The following RCC1L variants were observed in gnomAD, a reference collection of about 807,000 sequenced individuals.
RCC1L encodes RCC1-like G exchanging factor-like protein.
In RCC1L, 46 loss-of-function variants were observed where a neutral mutation model predicts 58.6. The ratio of observed to expected loss-of-function variants is 0.79; its 90% CI spans 0.62 to 1.00. The LOEUF is 1.00. Among genes scored for constraint, RCC1L ranks in the 50% least tolerant of loss-of-function variants. The pLI, the probability that RCC1L is intolerant of heterozygous loss-of-function variation, is 0.00. For missense variants in RCC1L, 636 were observed against 623.6 expected (o/e 1.02, Z -0.21); for synonymous variants, 281 against 262.9 (o/e 1.07, Z -0.67).
At chr7:75,051,456 G>C (rs1805914209) in intron 10 of RCC1L, among the ~76,000 whole-genome samples, 1 of 151,100 alleles carries the variant, frequency 6.6e-6, no homozygotes, top group African/African-American at 2.4e-5. Flanking sequence ...CTGTTGCCCA[G>C]GCTGGAGTGC....
In RCC1L at chr7:75,045,352, G is replaced by T. The variant is rs1392711527; in HGVS notation, c.1318-2243C>A. On this transcript the variant is annotated intron_variant, in intron 10 of 10. Coordinates refer to ENST00000610322, the MANE Select transcript of RCC1L (RefSeq NM_030798.5). ...GCACCACTATGCTCAGCTTATTTTT[G>T]TATTTTTTGTAGAGACAGGGTCTTG... Among the ~76,000 whole-genome samples the T allele has an allele frequency of 4.6e-5, 7 of 151,518 alleles. No homozygotes were observed. The East Asian group carries it at 1.4e-3, about 30-fold the overall frequency.
At position 75,058,700 on chromosome 7, in the gene RCC1L, A is replaced by G. The variant is rs986866714; in HGVS notation, c.857T>C (p.Ile286Thr). Reference sequence around the variant, plus strand: ...GCAATCACCGTAGGTGGCAACTTGGATAACGTTCACTCCCGCCAGGTCTCC... The same window carrying G: ...GCAATCACCGTAGGTGGCAACTTGGGTAACGTTCACTCCCGCCAGGTCTCC... ...LGGDLAGVNV[I>T]QVATYGDCCL... is the part of the protein sequence containing the mutation. Residue 286 changes from isoleucine (I) to threonine (T), a missense_variant, in exon 7 of 11, where the codon ATC becomes ACC. Ile to Thr is a moderately conservative substitution (Grantham distance 89). Coordinates refer to ENST00000610322, the MANE Select transcript of RCC1L (RefSeq NM_030798.5). 6 of 1,613,986 alleles carry G rather than the reference A, an allele frequency of 3.7e-6. No individual in the cohort carries two copies. Among genetic ancestry groups the G allele is most frequent in the Non-Finnish European group, 2.5e-6 (3 of 1,179,852 alleles).
At chr7:75,063,269 A>G in intron 5 of RCC1L, 23 bp downstream of exon 5, 1 of 1,613,814 alleles carries the variant, frequency 6.2e-7, no homozygotes, top group Non-Finnish European at 8.5e-7. Context: ...CACAACAAGC[A>G]GCTCTCGGCC....
chr7:75,048,266 CAAA>C (rs1166086711), intron 10 of RCC1L, among the ~76,000 whole-genome samples: 1,154 of 95,746 alleles, frequency 0.012, 16 homozygotes, highest in African/African-American at 0.037. Context: ...GACATCGCCT[CAAA>C]AAAAAAAAAA....
Position 75,073,482 on chromosome 7 carries a change from GC to G in RCC1L, c.255del (p.Arg87AlafsTer103). On this transcript the variant is annotated frameshift_variant, in exon 1 of 11. Transcript: ENST00000610322. LOFTEE classifies it high-confidence loss of function. ...CGGCGCGGTCGGGCGCCGGCGCGGG[GC>G]CCGGGCCCGGAGCTGGGCACCACAA... The part of the protein sequence containing the change: ...PSFVVPSSGP[G>X]PRAGARPRRR... 1 of 1,384,884 alleles carries G rather than the reference GC, an allele frequency of 7.2e-7. No homozygotes were observed. 85.8% of individuals were successfully genotyped at this position (1,384,884 alleles called of 1,614,324 possible).
downstream of RCC1L, among the ~76,000 whole-genome samples, chr7:75,037,503 C>CTT (rs1191475757): frequency 6.0e-5 from 7 of 116,732 alleles, no homozygotes; most frequent in East Asian, 2.8e-4. Context: ...TGGTTTATAT[C>CTT]TTTTTTTTTT....
intron 3 of RCC1L, 116 bp from the exon 4 acceptor site, chr7:75,064,764 A>C: frequency 4.3e-6 from 5 of 1,159,114 alleles, no homozygotes; most frequent in Non-Finnish European, 6.5e-6. Context: ...CCACCCCCCA[A>C]CTGCCCCTGG....
intron 10 of RCC1L, among the ~76,000 whole-genome samples, chr7:75,036,283 A>G (rs1459561550): frequency 6.6e-6 from 1 of 151,470 alleles, no homozygotes; most frequent in African/African-American, 2.4e-5. Flanking sequence ...TGCCCGGCTA[A>G]TTTTGTATTT....
intron 10 of RCC1L, among the ~76,000 whole-genome samples, chr7:75,050,439 C>A (rs1385512946): frequency 6.6e-6 from 1 of 152,220 alleles, no homozygotes; most frequent in African/African-American, 2.4e-5. Context: ...TTGCACATGC[C>A]CTTATGGCAG....
At chr7:75,043,310 G>C (rs1320033189) in intron 10 of RCC1L, among the ~76,000 whole-genome samples, 7 of 152,224 alleles carry the variant, frequency 4.6e-5, no homozygotes, top group African/African-American at 1.2e-4. Context: ...GGGCACTTAG[G>C]CCTCCCCAGC....
intron 10 of RCC1L, among the ~76,000 whole-genome samples, chr7:75,031,370 C>A (rs954513994): frequency 1.3e-5 from 2 of 152,072 alleles, no homozygotes; most frequent in African/African-American, 4.8e-5. Context: ...CTTATCCCTA[C>A]CCCCCCGGGG....
downstream of RCC1L, among the ~76,000 whole-genome samples, chr7:75,040,237 A>G (rs1202802065): frequency 6.6e-6 from 1 of 152,326 alleles, no homozygotes; most frequent in East Asian, 1.9e-4. Context: ...AGGTGGGCGG[A>G]TCTCTGGAGG....
chr7:75,064,503 G>C (rs1169018150), intron 4 of RCC1L, 79 bp downstream of exon 4: 11 of 1,549,242 alleles, frequency 7.1e-6, no homozygotes, highest in East Asian at 2.2e-5. Flanking sequence ...CCGCCCCGCG[G>C]GTTTACCACA....
At chr7:75,055,841 A>C in intron 9 of RCC1L, 60 bp downstream of exon 9, 1 of 1,604,608 alleles carries the variant, frequency 6.2e-7, no homozygotes, top group Non-Finnish European at 8.5e-7. Flanking sequence ...TTTGGGGTTG[A>C]ACTGGAGACA....
At chr7:75,058,977 G>T (rs1203047155) in intron 6 of RCC1L, among the ~76,000 whole-genome samples, 5 of 146,176 alleles carry the variant, frequency 3.4e-5, no homozygotes, top group Non-Finnish European at 6.0e-5. Context: ...AGGAGTTCGA[G>T]ATCAGCCTGG....
chr7:75,063,287 C>T lies in RCC1L; in HGVS notation c.702+5G>A. On this transcript the variant is annotated splice_donor_5th_base_variant and intron_variant, in intron 5 of 10. Transcript: ENST00000610322. Reference sequence around the variant, plus strand: ...AACAAGCAGCTCTCGGCCCATCTCTCTTACCTGGACCACCTGGCCATCGAA... The same window carrying T: ...AACAAGCAGCTCTCGGCCCATCTCTTTTACCTGGACCACCTGGCCATCGAA... 6.2e-7 allele frequency: 1 copy of T among 1,613,890 alleles called. No homozygotes were observed. Among genetic ancestry groups the T allele is most frequent in the Non-Finnish European group, 8.5e-7 (1 of 1,179,850 alleles).
chr7:75,049,197 A>G (rs2131983684), intron 10 of RCC1L, among the ~76,000 whole-genome samples: 1 of 152,264 alleles, frequency 6.6e-6, no homozygotes, highest in South Asian at 2.1e-4. Context: ...TAATTTGAAC[A>G]TAGTTGTTTT....
chr7:75,069,749 G>C (rs1034422393), intron 2 of RCC1L, among the ~76,000 whole-genome samples: 4 of 151,854 alleles, frequency 2.6e-5, no homozygotes, highest in Non-Finnish European at 4.4e-5. Flanking sequence ...ATTTTTAGTA[G>C]AGACGGGGTT....
In RCC1L at chr7:75,066,990, C is replaced by T. The variant is rs782298475; in HGVS notation, c.455-198G>A. 1.3e-4 allele frequency among the ~76,000 whole-genome samples: 20 copies of T among 152,240 alleles called. 1 individual carries two copies. Among genetic ancestry groups the T allele is most frequent in the African/African-American group, 3.4e-4 (14 of 41,552 alleles). On this transcript the variant is annotated intron_variant, in intron 2 of 10. Coordinates refer to ENST00000610322, the MANE Select transcript of RCC1L (RefSeq NM_030798.5). Reference sequence around the variant, plus strand: ...CATGGGCTGTCTCTATTACATAATGCGGGTTCCAGAAAAGCATACTTGGTC... The same window carrying T: ...CATGGGCTGTCTCTATTACATAATGTGGGTTCCAGAAAAGCATACTTGGTC...
Sources: gnomAD v4.1 joint callset for allele counts (sites outside exome capture counted in the v4.1 genomes callset) on GRCh38, gnomAD v4.1.1 for gene constraint, MANE v1.5 for transcripts, NCBI Gene and HGNC (gene_info 2026-07-23, HGNC 2026-07-21) for gene names.